AUTS2: variants seen among roughly 807,000 people sequenced by gnomAD.
AUTS2 encodes the protein activator of transcription and developmental regulator AUTS2.
In AUTS2, 17 loss-of-function variants were observed where a neutral mutation model predicts 112.4. The ratio of observed to expected loss-of-function variants is 0.15; its 90% CI spans 0.10 to 0.23. AUTS2 has a LOEUF of 0.23. Ranked by LOEUF, AUTS2 falls within the 10% of genes least tolerant of loss-of-function variation. The pLI, the probability that AUTS2 is intolerant of heterozygous loss-of-function variation, is 1.00. For synonymous variants in AUTS2, 751 were observed against 702.7 expected (o/e 1.07, Z -1.09); for missense variants, 1,510 against 1,701.6 (o/e 0.89, Z 1.98).
At chr7:69,659,823 A>G (rs1487676430) in intron 1 of AUTS2, among the ~76,000 whole-genome samples, 1 of 152,044 alleles carries the variant, frequency 6.6e-6, no homozygotes, top group Non-Finnish European at 1.5e-5. Context: ...GTGTGAATAA[A>G]TCTCTTCCTC....
intron 5 of AUTS2, among the ~76,000 whole-genome samples, chr7:70,607,037 T>TA (rs1585369073): frequency 6.6e-6 from 1 of 152,126 alleles, no homozygotes; most frequent in East Asian, 1.9e-4. Flanking sequence ...GAGTTAGATT[T>TA]ATCCTGTGTA....
At chr7:70,001,617 A>C (rs901573688) in intron 2 of AUTS2, among the ~76,000 whole-genome samples, 2 of 152,180 alleles carry the variant, frequency 1.3e-5, no homozygotes, top group Non-Finnish European at 2.9e-5. Flanking sequence ...TAGAAGTTCA[A>C]GGTGAAAGAA....
intron 1 of AUTS2, among the ~76,000 whole-genome samples, chr7:69,732,703 G>A (rs1198948623): frequency 1.3e-5 from 2 of 152,102 alleles, no homozygotes; most frequent in Non-Finnish European, 2.9e-5. Context: ...GGGAATAAAA[G>A]CAAAAGCATT....
chr7:70,662,069 G>T (rs574288927), intron 5 of AUTS2, among the ~76,000 whole-genome samples: 250 of 152,350 alleles, frequency 1.6e-3, no homozygotes, highest in Non-Finnish European at 3.0e-3. Context: ...TGAAGCCAGA[G>T]ATGTGGGCCA....
intron 12 of AUTS2, 76 bp downstream of exon 12, chr7:70,774,175 C>G (rs569973325): frequency 2.2e-6 from 3 of 1,359,564 alleles, no homozygotes; most frequent in African/African-American, 1.4e-5. Flanking sequence ...GCCCAGTGCT[C>G]GCATCTTCCT....
rs200297913 is a variant in AUTS2, at chr7:70,771,534, C to T, written c.1735-15C>T. ...TACTAAAATCTTTTTTCCCCCTCTC[C>T]GTCTTTGGCCACAGCTCTTCCATTC... On this transcript the variant is annotated splice_polypyrimidine_tract_variant and intron_variant, in intron 10 of 18. Coordinates refer to ENST00000342771, the MANE Select transcript of AUTS2 (RefSeq NM_015570.4). The T allele has an allele frequency of 3.5e-4, 552 of 1,594,174 alleles. 3 individuals are homozygous for T. The East Asian group carries it at 7.8e-3, about 23-fold the overall frequency.
Position 69,599,379 on chromosome 7 carries a change from C to T in AUTS2, c.-275C>T, listed in dbSNP as rs890044778. On this transcript the variant is annotated 5_prime_UTR_variant, in exon 1 of 19. Transcript: ENST00000342771. The surrounding 1 kb of genome is among the most constrained non-coding windows in gnomAD (Gnocchi z 7.0). ...TGCTCGGCGCTGCTCCCAGGCATCT[C>T]CGACCCTCGGTGCTGTGGGGAGCCC... 6 of 347,670 alleles carry T rather than the reference C, an allele frequency of 1.7e-5. No individual in the cohort carries two copies. In the Admixed American group the frequency reaches 1.9e-4, roughly 11 times the overall value. The allele number at this position is 347,670 out of a possible 1,614,324, so 21.5% of individuals were successfully genotyped here. A position where few individuals can be genotyped will look rare whatever the true frequency, so the allele number is the denominator to read the frequency against.
chr7:70,273,334 CAT>C lies in AUTS2; in HGVS notation c.660+138766_660+138767del, dbSNP rs375719252. ...GGCCTGTGTCTGATTTATAATACAA[CAT>C]ATGATTGATTTTAAAGCTCTTTTTT... On this transcript the variant is annotated intron_variant, in intron 4 of 18. Transcript: ENST00000342771. 7.2e-5 allele frequency among the ~76,000 whole-genome samples: 11 copies of C among 152,274 alleles called. 1 individual carries two copies. The Middle Eastern group carries it at 0.01, about 141-fold the overall frequency.
At chr7:70,102,115 C>CTTTTTT (rs537710268) in intron 2 of AUTS2, among the ~76,000 whole-genome samples, 2 of 127,190 alleles carry the variant, frequency 1.6e-5, no homozygotes, top group Non-Finnish European at 3.4e-5. Context: ...GCAGTGTTTA[C>CTTTTTT]TTTTTTTTTT....
chr7:70,279,096 TG>T (rs1158103604), intron 4 of AUTS2, among the ~76,000 whole-genome samples: 1 of 152,212 alleles, frequency 6.6e-6, no homozygotes, highest in Non-Finnish European at 1.5e-5. Context: ...TACCTTTGGG[TG>T]GGCCTCTTCC....
intron 4 of AUTS2, among the ~76,000 whole-genome samples, chr7:70,253,350 C>T (rs117958366): frequency 0.021 from 3,243 of 152,186 alleles, 57 homozygotes; most frequent in Admixed American, 0.038. Context: ...TTTTTTGAGA[C>T]TGTTATTCTT....
At chr7:69,956,298 C>G (rs1797206577) in intron 2 of AUTS2, among the ~76,000 whole-genome samples, 1 of 152,148 alleles carries the variant, frequency 6.6e-6, no homozygotes, top group Non-Finnish European at 1.5e-5. Flanking sequence ...ATCAAGTATA[C>G]ATACATATGC....
intron 1 of AUTS2, among the ~76,000 whole-genome samples, chr7:69,816,482 C>T (rs1263955584): frequency 1.3e-5 from 2 of 152,148 alleles, no homozygotes; most frequent in African/African-American, 2.4e-5. Context: ...TTCTCCAAAC[C>T]GTAGGTAAGC....
chr7:70,368,644 G>A (rs1441581495), intron 4 of AUTS2, among the ~76,000 whole-genome samples: 3 of 152,150 alleles, frequency 2.0e-5, no homozygotes, highest in Non-Finnish European at 4.4e-5. Flanking sequence ...GCTCCATCTC[G>A]GTATTTGCCT....
intron 1 of AUTS2, among the ~76,000 whole-genome samples, chr7:69,699,639 GTTTTTT>G (rs748794120): frequency 9.9e-5 from 11 of 111,526 alleles, no homozygotes; most frequent in African/African-American, 3.4e-4. Context: ...CAGTGATAAT[GTTTTTT>G]TTTTTTTTTT....
At chr7:70,374,157 A>G (rs932853459) in intron 4 of AUTS2, among the ~76,000 whole-genome samples, 2 of 152,230 alleles carry the variant, frequency 1.3e-5, no homozygotes, top group African/African-American at 4.8e-5. Context: ...TTCTACAAGA[A>G]GCAGAGTGAG....
At chr7:70,239,028 C>T (rs74389580) in intron 4 of AUTS2, among the ~76,000 whole-genome samples, 2,231 of 152,250 alleles carry the variant, frequency 0.015, 33 homozygotes, top group Middle Eastern at 0.041. Flanking sequence ...AATAGAGATG[C>T]CTGAGCAGAT....
intron 2 of AUTS2, among the ~76,000 whole-genome samples, chr7:70,023,976 C>A (rs1445062481): frequency 6.6e-6 from 1 of 152,178 alleles, no homozygotes; most frequent in Non-Finnish European, 1.5e-5. Flanking sequence ...AGGCAAAGCA[C>A]CGAACTCTTG....
intron 1 of AUTS2, among the ~76,000 whole-genome samples, chr7:69,707,187 CT>C (rs1029410739): frequency 6.6e-6 from 1 of 152,104 alleles, no homozygotes; most frequent in Non-Finnish European, 1.5e-5. Flanking sequence ...TTGGTTAGCT[CT>C]TTTTTTGCTT....
Sources: gnomAD v4.1 joint callset for allele counts (sites outside exome capture counted in the v4.1 genomes callset) on GRCh38, gnomAD v4.1.1 for gene constraint, Gnocchi (gnomAD v3.1) non-coding constraint, MANE v1.5 for transcripts, NCBI Gene and HGNC (gene_info 2026-07-23, HGNC 2026-07-21) for gene names.